EPPK1: variants seen among roughly 807,000 people sequenced by gnomAD.
EPPK1 encodes epiplakin.
For missense variants in EPPK1, 3,823 were observed against 3,673.3 expected (o/e 1.04, Z -1.05); for synonymous variants, 1,862 against 1,721.2 (o/e 1.08, Z -2.03).
In EPPK1 at chr8:143,866,951, C is replaced by A; in HGVS notation, c.6303G>T (p.Arg2101Ser). 1 of 1,612,856 alleles carries A rather than the reference C, an allele frequency of 6.2e-7. No individual in the cohort carries two copies. The highest frequency in any genetic ancestry group is 8.5e-7 in the Non-Finnish European group (1 of 1,179,854). Residue 2101 changes from arginine to serine, a missense_variant, in exon 2 of 2, where the codon AGG (arginine) becomes AGT (serine). By Grantham distance (110) the Arg-to-Ser change is moderately radical (BLOSUM62 -1). Coordinates refer to ENST00000615648, the MANE Select transcript of EPPK1 (RefSeq NM_031308.4). ...DSEHIDDETR[R>S]ALEAEQVEIT... Reference sequence around the variant, plus strand: ...TTTCCACTTGCTCTGCCTCCAGGGCCCTTCTCGTCTCGTCATCGATGTGCT... The same window carrying A: ...TTTCCACTTGCTCTGCCTCCAGGGCACTTCTCGTCTCGTCATCGATGTGCT...
At position 143,869,625 on chromosome 8, in the gene EPPK1, TC is replaced by T; in HGVS notation, c.3628del (p.Asp1210MetfsTer29). ...GGTCTCCTGGGTGATGATGCCAGCA[TC>T]CAGCAGCCAGACAGCGGGTACCTCA... is the stretch of plus-strand genomic sequence containing the variant. ...RGEVPAVWLL[D>X]AGIITQETLE... On this transcript the variant is annotated frameshift_variant, in exon 2 of 2. Coordinates refer to ENST00000615648, the MANE Select transcript of EPPK1 (RefSeq NM_031308.4). LOFTEE classifies it low-confidence loss of function (END_TRUNC). The T allele has an allele frequency of 6.3e-7, 1 of 1,581,912 alleles. No individual in the cohort carries two copies. The highest frequency in any genetic ancestry group is 8.6e-7 in the Non-Finnish European group (1 of 1,164,110).
rs377551729 is a variant in EPPK1, at chr8:143,870,781, G to A, written c.2473C>T (p.Arg825Trp). 5.1e-5 allele frequency: 82 copies of A among 1,612,564 alleles called. No individual in the cohort carries two copies. The highest frequency in any genetic ancestry group is 2.0e-4 in the African/African-American group (15 of 74,914). The change falls in exon 2 of 2, where the codon CGG becomes TGG. Residue 825 changes from arginine (R) to tryptophan (W), a missense_variant. Physicochemically the swap from Arg to Trp is moderately radical, Grantham distance 101. Coordinates refer to ENST00000615648, the MANE Select transcript of EPPK1 (RefSeq NM_031308.4). The surrounding 1 kb of genome is among the most constrained non-coding windows in gnomAD (Gnocchi z 5.2). ...QNLLLSVKYG[R>W]FQGQRVSAWE... Reference sequence around the variant, plus strand: ...GCGGAGACCCTCTGCCCCTGAAACCGTCCATACTTCACGGAGAGCAGCAGG... The same window carrying A: ...GCGGAGACCCTCTGCCCCTGAAACCATCCATACTTCACGGAGAGCAGCAGG...
chr8:143,858,255 C>T lies in EPPK1; in HGVS notation c.14999G>A (p.Arg5000Gln), dbSNP rs782714032. 153 of 1,598,858 alleles carry T rather than the reference C, an allele frequency of 9.6e-5. No individual in the cohort carries two copies. The African/African-American group carries it at 1.7e-3, about 18-fold the overall frequency. Residue 5000 changes from arginine (R) to glutamine (Q), a missense_variant, in exon 2 of 2, where the codon CGG becomes CAG. Arg to Gln is a conservative substitution (Grantham distance 43). Coordinates refer to ENST00000615648, the MANE Select transcript of EPPK1 (RefSeq NM_031308.4). ...FQAMQKDLIVREHGIRLLEAQ... is the reference protein window; with the variant it reads ...FQAMQKDLIVQEHGIRLLEAQ... ...CTCCAGCAGGCGGATGCCGTGCTCC[C>T]GGACGATGAGGTCCTTCTGCATGGC...
At chr8:143,875,928 C>T (rs1226386973) in intron 1 of EPPK1, among the ~76,000 whole-genome samples, 3 of 145,878 alleles carry the variant, frequency 2.1e-5, no homozygotes, top group Admixed American at 2.0e-4. Flanking sequence ...GGAACCAAGG[C>T]CTGGCACAGT....
intron 1 of EPPK1, among the ~76,000 whole-genome samples, chr8:143,873,597 G>A (rs1296633859): frequency 7.2e-5 from 11 of 151,852 alleles, no homozygotes; most frequent in Admixed American, 7.2e-4. Flanking sequence ...CCAGGCCAAC[G>A]CCCTCCCGCC....
In EPPK1 at chr8:143,875,552, G is replaced by A. The variant is rs539230496; in HGVS notation, c.-45-2254C>T. On this transcript the variant is annotated intron_variant, in intron 1 of 1. Transcript: ENST00000615648. ...CGTGCTCAGGACACAGTGTCAGGTG[G>A]CTGGGAAGACGTGGAGGATTCAGAG... Among the ~76,000 whole-genome samples the A allele has an allele frequency of 1.4e-4, 21 of 152,406 alleles. No individual in the cohort carries two copies. In the South Asian group the frequency reaches 1.9e-3, roughly 14 times the overall value.
rs1554661537 is a variant in EPPK1 at position 143,872,357 on chromosome 8, C to T, written c.897G>A (p.Lys299=). 3.7e-6 allele frequency: 6 copies of T among 1,605,482 alleles called. No homozygotes were observed. Among genetic ancestry groups the T allele is most frequent in the Admixed American group, 3.3e-5 (2 of 59,810 alleles). The change falls in exon 2 of 2, where the codon AAG becomes AAA. Residue 299 remains lysine (K), a synonymous_variant. Transcript: ENST00000615648. ...GCTCGGTGGCAGCCTGGAAAAAGCT[C>T]TTCTTGTGGCCTTCGGGCAGCAGGA... ...GVVLLPEGHK[K]SFFQAATEHL...
rs950830303 is a variant in EPPK1 at position 143,857,823 on chromosome 8, G to A, written c.*164C>T. On this transcript the variant is annotated 3_prime_UTR_variant, in exon 2 of 2. Transcript: ENST00000615648. ...AAACACCTCGATGGACAAAGGAAAA[G>A]TTTCTGTCACATGACAACTTAAAAC... is the stretch of plus-strand genomic sequence containing the variant. 1.8e-6 allele frequency: 1 copy of A among 560,132 alleles called. No homozygotes were observed. 34.7% of individuals were successfully genotyped at this position (560,132 alleles called of 1,614,324 possible). A position where few individuals can be genotyped will look rare whatever the true frequency, so the allele number is the denominator to read the frequency against.
intron 1 of EPPK1, among the ~76,000 whole-genome samples, chr8:143,878,005 T>C (rs987930358): frequency 2.6e-5 from 4 of 151,634 alleles, no homozygotes; most frequent in Admixed American, 2.6e-4. Context: ...TTGCCAGGAG[T>C]CACCCCTCTC....
Position 143,857,736 on chromosome 8 carries a change from G to C in EPPK1, c.*251C>G. On this transcript the variant is annotated 3_prime_UTR_variant, in exon 2 of 2. Transcript: ENST00000615648. Reference sequence around the variant, plus strand: ...AGAAAAATGTTCTGAAAACGAAAAAGGAGAGAAAAGTAAAACCATATGACA... The same window carrying C: ...AGAAAAATGTTCTGAAAACGAAAAACGAGAGAAAAGTAAAACCATATGACA... 2 of 418,324 alleles carry C rather than the reference G, an allele frequency of 4.8e-6. No individual in the cohort carries two copies. The highest frequency in any genetic ancestry group is 8.4e-6 in the Non-Finnish European group (2 of 238,718). The allele number at this position is 418,324 out of a possible 1,614,324, so 25.9% of individuals were successfully genotyped here.
At position 143,869,372 on chromosome 8, in the gene EPPK1, G is replaced by GTT; in HGVS notation, c.3880_3881dup (p.Asn1294LysfsTer21). 6.2e-7 allele frequency: 1 copy of GTT among 1,610,776 alleles called. No individual in the cohort carries two copies. The highest frequency in any genetic ancestry group is 8.5e-7 in the Non-Finnish European group (1 of 1,179,152). On this transcript the variant is annotated frameshift_variant, in exon 2 of 2. Transcript: ENST00000615648. LOFTEE classifies it low-confidence loss of function (END_TRUNC). ...CGTCCTCCACTGACAGTCTCTGGTT[G>GTT]TTCAGGGGGTCAACAAGGAAGCCAG...
chr8:143,871,473 T>A lies in EPPK1; in HGVS notation c.1781A>T (p.Lys594Met). 1.9e-6 allele frequency: 3 copies of A among 1,608,952 alleles called. No individual in the cohort carries two copies. Among genetic ancestry groups the A allele is most frequent in the Non-Finnish European group, 2.5e-6 (3 of 1,178,630 alleles). ...CACCGAGGCCAGGCTGCCCACATCC[T>A]TGGCTGTGGCCTGTCCATGCTCCAG... ...ERLEHGQATA[K>M]DVGSLASVQR... Residue 594 changes from lysine to methionine, a missense_variant, in exon 2 of 2, where the codon AAG becomes ATG. Lys to Met is a moderately conservative substitution (Grantham distance 95). Coordinates refer to ENST00000615648, the MANE Select transcript of EPPK1 (RefSeq NM_031308.4).
In EPPK1 at chr8:143,867,901, G is replaced by A. The variant is rs201036475; in HGVS notation, c.5353C>T (p.Arg1785Cys). 4.2e-4 allele frequency: 675 copies of A among 1,613,368 alleles called. No individual in the cohort carries two copies. The highest frequency in any genetic ancestry group is 1.2e-3 in the Admixed American group (70 of 60,004). The change falls in exon 2 of 2, where the codon CGC becomes TGC. Residue 1785 changes from arginine (R) to cysteine (C), a missense_variant. Arg to Cys is a radical substitution (Grantham distance 180). Transcript: ENST00000615648. ...ACCTGGTCAGCAAACCTCCCCACGC[G>A]CATTTTTGCAGTTCTGGATTGCAAC... Reference protein sequence around the residue: ...HVLQSRTAKMRVGRFADQVVS... With the variant: ...HVLQSRTAKMCVGRFADQVVS...
At position 143,877,063 on chromosome 8, in the gene EPPK1, G is replaced by A. The variant is rs550105927; in HGVS notation, c.-46+1375C>T. On this transcript the variant is annotated intron_variant, in intron 1 of 1. Transcript: ENST00000615648. ...AGGAAGGCTGGAGACAGGGCGCTTG[G>A]GAGCAGGGAGTCGGGGGCAGGCTTG... Among the ~76,000 whole-genome samples, 5 of 152,402 alleles carry A rather than the reference G, an allele frequency of 3.3e-5. No individual in the cohort carries two copies. In the South Asian group the frequency reaches 1.0e-3, roughly 32 times the overall value.
In EPPK1 at chr8:143,858,064, T is replaced by C. The variant is rs782430615; in HGVS notation, c.15190A>G (p.Thr5064Ala). ...FFDPNTHENL[T>A]YLQLLQRATL... Reference sequence around the variant, plus strand: ...GCCCTCTGCAGAAGCTGCAGGTACGTGAGGTTCTCGTGCGTGTTGGGGTCG... The same window carrying C: ...GCCCTCTGCAGAAGCTGCAGGTACGCGAGGTTCTCGTGCGTGTTGGGGTCG... Residue 5064 changes from threonine to alanine, a missense_variant, in exon 2 of 2, where the codon ACG (threonine) becomes GCG (alanine). Thr to Ala is a moderately conservative substitution (Grantham distance 58). Coordinates refer to ENST00000615648, the MANE Select transcript of EPPK1 (RefSeq NM_031308.4). 1.1e-5 allele frequency: 18 copies of C among 1,613,358 alleles called. No homozygotes were observed. The South Asian group carries it at 1.5e-4, about 14-fold the overall frequency.
chr8:143,873,347 G>T, intron 1 of EPPK1, 49 bp from the exon 2 acceptor site: 1 of 1,337,006 alleles, frequency 7.5e-7, no homozygotes, highest in Non-Finnish European at 9.8e-7. Context: ...GGCCTGGTGG[G>T]CACGAGGGAA....
Position 143,857,896 on chromosome 8 carries a change from CAAAAAAAAAAAA to C in EPPK1, c.*79_*90del, listed in dbSNP as rs35186960. 4.1e-5 allele frequency: 18 copies of C among 437,930 alleles called. No homozygotes were observed. Among genetic ancestry groups the C allele is most frequent in the Middle Eastern group, 4.3e-4 (1 of 2,314 alleles). 27.1% of individuals were successfully genotyped at this position (437,930 alleles called of 1,614,324 possible). A position where few individuals can be genotyped will look rare whatever the true frequency, so the allele number is the denominator to read the frequency against. On this transcript the variant is annotated 3_prime_UTR_variant, in exon 2 of 2. Coordinates refer to ENST00000615648, the MANE Select transcript of EPPK1 (RefSeq NM_031308.4). ...GTAAAACAACAAAATTAAAGAATGACAAAAAAAAAAAAAAAAAAAAAAACAACCCAGACACAC... is the reference window on the plus strand; with the variant it reads ...GTAAAACAACAAAATTAAAGAATGACAAAAAAAAAAACAACCCAGACACAC...
chr8:143,866,182 G>C lies in EPPK1; in HGVS notation c.7072C>G (p.Pro2358Ala). 7.1e-6 allele frequency: 3 copies of C among 423,978 alleles called. No homozygotes were observed. 26.3% of individuals were successfully genotyped at this position (423,978 alleles called of 1,614,324 possible). Residue 2358 changes from proline (P) to alanine (A), a missense_variant, in exon 2 of 2, where the codon CCC becomes GCC. Pro to Ala is a conservative substitution (Grantham distance 27). Coordinates refer to ENST00000615648, the MANE Select transcript of EPPK1 (RefSeq NM_031308.4). ...VIDPVHSHRV[P>A]VDVAYRRGYF... ...CCGCGCCGGTAGGCCACGTCCACGGGCACGCGGTGGCTGTGCACGGGGTCG... is the reference window on the plus strand; with the variant it reads ...CCGCGCCGGTAGGCCACGTCCACGGCCACGCGGTGGCTGTGCACGGGGTCG...
At chr8:143,878,223 A>C (rs1181744944) in intron 1 of EPPK1, among the ~76,000 whole-genome samples, 2 of 151,550 alleles carry the variant, frequency 1.3e-5, no homozygotes, top group African/African-American at 4.8e-5. Context: ...CAAATTGCCC[A>C]GGGCGGGAAA....
Sources: allele counts gnomAD v4.1 joint callset (sites outside exome capture counted in the v4.1 genomes callset), GRCh38; gene constraint gnomAD v4.1.1; non-coding constraint Gnocchi (gnomAD v3.1); transcripts MANE v1.5; gene names NCBI Gene and HGNC (gene_info 2026-07-23, HGNC 2026-07-21).